The following RIN3 variants were observed in gnomAD, a reference collection of about 807,000 sequenced individuals.
RIN3 encodes the protein RAB5 interacting protein 3.
A neutral mutation model predicts 76.3 loss-of-function variants in RIN3; 54 were observed. The observed-to-expected ratio is 0.71, with a 90% CI of 0.57 to 0.89. The LOEUF (loss-of-function observed/expected upper bound fraction) is 0.89. Among genes scored for constraint, RIN3 ranks in the 40% least tolerant of loss-of-function variants. The pLI is 0.00. For missense variants in RIN3, 1,256 were observed against 1,322.1 expected (o/e 0.95, Z 0.78); for synonymous variants, 576 against 564.0 (o/e 1.02, Z -0.30).
In RIN3 at chr14:92,620,056, C is replaced by A. The variant is rs148664153; in HGVS notation, c.440+4577C>A. ...CACATGAACTAAATAAAAGGCATTA[C>A]ATTTTTCACTTTTCCGACAAAATAT... is the stretch of plus-strand genomic sequence containing the variant. On this transcript the variant is annotated intron_variant, in intron 4 of 9. Transcript: ENST00000216487. Among the ~76,000 whole-genome samples, 64 of 152,240 alleles carry A rather than the reference C, an allele frequency of 4.2e-4. 1 individual carries two copies. Among genetic ancestry groups the A allele is most frequent in the Non-Finnish European group, 4.6e-4 (31 of 68,036 alleles).
intron 3 of RIN3, among the ~76,000 whole-genome samples, chr14:92,579,300 G>A (rs1898364083): frequency 6.6e-6 from 1 of 152,246 alleles, no homozygotes; most frequent in African/African-American, 2.4e-5. Flanking sequence ...AGGCAAGGAG[G>A]AGGTTTGTTT....
intron 2 of RIN3, among the ~76,000 whole-genome samples, chr14:92,573,600 A>G (rs1336505839): frequency 6.6e-6 from 1 of 152,226 alleles, no homozygotes; most frequent in East Asian, 1.9e-4. Context: ...GCAGAAACTC[A>G]GGTAAGATCA....
Position 92,514,749 on chromosome 14 carries a change from G to A in RIN3, c.44+773G>A, listed in dbSNP as rs143326689. 1.6e-4 allele frequency among the ~76,000 whole-genome samples: 24 copies of A among 152,322 alleles called. No individual in the cohort carries two copies. Among genetic ancestry groups the A allele is most frequent in the African/African-American group, 5.8e-4 (24 of 41,584 alleles). On this transcript the variant is annotated intron_variant, in intron 1 of 9. Transcript: ENST00000216487. The surrounding 1 kb of genome is among the most constrained non-coding windows in gnomAD (Gnocchi z 7.2). ...CACCTCGCGAGCTCGGGCATTGCTC[G>A]GGGCTGGGCTCTGGGAGAAAGTCCT... is the stretch of plus-strand genomic sequence containing the variant.
chr14:92,523,722 T>G (rs1896655556), intron 1 of RIN3, among the ~76,000 whole-genome samples: 1 of 152,264 alleles, frequency 6.6e-6, no homozygotes, highest in African/African-American at 2.4e-5. Flanking sequence ...AACTGTTTAT[T>G]CTGACTCTCA....
At chr14:92,679,441 G>A (rs1336715329) in intron 8 of RIN3, among the ~76,000 whole-genome samples, 2 of 152,228 alleles carry the variant, frequency 1.3e-5, no homozygotes, top group African/African-American at 4.8e-5. Flanking sequence ...TCAGGGTGTG[G>A]GAGGTCACAG....
chr14:92,522,361 AAATG>A (rs1312429271), intron 1 of RIN3, among the ~76,000 whole-genome samples: 1 of 152,052 alleles, frequency 6.6e-6, no homozygotes, highest in Non-Finnish European at 1.5e-5. Context: ...ATTTTCCAAA[AAATG>A]TATTATAGAC....
Position 92,651,682 on chromosome 14 carries a change from G to A in RIN3, c.633G>A (p.Arg211=). 6.2e-7 allele frequency: 1 copy of A among 1,613,994 alleles called. No individual in the cohort carries two copies. Among genetic ancestry groups the A allele is most frequent in the Non-Finnish European group, 8.5e-7 (1 of 1,179,972 alleles). ...APGFPLVSSL[R]PTAHDANCAC... Reference sequence around the variant, plus strand: ...GATTCCCCCTAGTCTCCAGCCTCAGGCCCACAGCCCATGACGCAAACTGTG... The same window carrying A: ...GATTCCCCCTAGTCTCCAGCCTCAGACCCACAGCCCATGACGCAAACTGTG... Residue 211 remains arginine (R), a synonymous_variant, in exon 6 of 10, where the codon AGG becomes AGA. Transcript: ENST00000216487.
chr14:92,529,111 T>A (rs1390433722), intron 1 of RIN3, among the ~76,000 whole-genome samples: 2 of 152,148 alleles, frequency 1.3e-5, no homozygotes, highest in Non-Finnish European at 2.9e-5. Context: ...TGAGATAGGG[T>A]TCATATCCAG....
rs12880986 is a variant in RIN3, at chr14:92,561,129, T to A, written c.249+5174T>A. 4.0e-4 allele frequency among the ~76,000 whole-genome samples: 41 copies of A among 103,232 alleles called. No homozygotes were observed. In the East Asian group the frequency reaches 8.3e-3, roughly 21 times the overall value. The allele number at this position is 103,232 out of a possible 152,430, so 67.7% of individuals were successfully genotyped here. A position where few individuals can be genotyped will look rare whatever the true frequency, so the allele number is the denominator to read the frequency against. The stretch of plus-strand genomic sequence containing the variant: ...CATATTTATATATATTTATATATAT[T>A]TATATTTATATATATTTTTATATAT... On this transcript the variant is annotated intron_variant, in intron 2 of 9. Coordinates refer to ENST00000216487, the MANE Select transcript of RIN3 (RefSeq NM_024832.5).
At chr14:92,613,101 T>G (rs1476732890) in intron 3 of RIN3, among the ~76,000 whole-genome samples, 1 of 152,244 alleles carries the variant, frequency 6.6e-6, no homozygotes, top group Non-Finnish European at 1.5e-5. Flanking sequence ...CTGGGCTTTT[T>G]GTGTGCATTG....
rs901353353 is a variant in RIN3 at position 92,513,938 on chromosome 14, C to T, written c.6C>T (p.Ile2=). 27 of 1,247,184 alleles carry T rather than the reference C, an allele frequency of 2.2e-5. No individual in the cohort carries two copies. The highest frequency in any genetic ancestry group is 2.6e-5 in the Non-Finnish European group (26 of 995,750). 77.3% of individuals were successfully genotyped at this position (1,247,184 alleles called of 1,614,324 possible). A position where few individuals can be genotyped will look rare whatever the true frequency, so the allele number is the denominator to read the frequency against. Residue 2 remains isoleucine, a synonymous_variant, in exon 1 of 10, where the codon ATC becomes ATT. Coordinates refer to ENST00000216487, the MANE Select transcript of RIN3 (RefSeq NM_024832.5). ...GTCCCGGAGCTGCCGGCGGCATGAT[C>T]CGACACGCCGGGGCGCCCGCGCGCG... M[I]RHAGAPARGD... is the part of the protein sequence containing the mutation.
In RIN3 at chr14:92,528,219, G is replaced by A. The variant is rs553591598; in HGVS notation, c.44+14243G>A. ...GGAGATGGGTGTGCCCCGTGGGGGC[G>A]GGGAGGCCGCCTTTATTCCCTCCCA... is the stretch of plus-strand genomic sequence containing the variant. On this transcript the variant is annotated intron_variant, in intron 1 of 9. Coordinates refer to ENST00000216487, the MANE Select transcript of RIN3 (RefSeq NM_024832.5). 7.2e-5 allele frequency among the ~76,000 whole-genome samples: 11 copies of A among 152,312 alleles called. No homozygotes were observed. The East Asian group carries it at 1.5e-3, about 21-fold the overall frequency.
Position 92,555,889 on chromosome 14 carries a change from G to A in RIN3, c.183G>A (p.Pro61=), listed in dbSNP as rs755167388. The A allele has an allele frequency of 1.3e-5, 21 of 1,614,000 alleles. No individual in the cohort carries two copies. Among genetic ancestry groups the A allele is most frequent in the Middle Eastern group, 3.3e-4 (2 of 5,988 alleles). ...SILEKLIKTC[P]VWLQLSLGQA... ...TGGAGAAGCTCATCAAAACATGCCC[G>A]GTGTGGCTGCAGCTGAGTCTGGGCC... The change falls in exon 2 of 10, where the codon CCG becomes CCA. Residue 61 remains proline, a synonymous_variant. Coordinates refer to ENST00000216487, the MANE Select transcript of RIN3 (RefSeq NM_024832.5).
intron 2 of RIN3, among the ~76,000 whole-genome samples, chr14:92,572,390 A>T (rs1201225064): frequency 6.6e-6 from 1 of 152,244 alleles, no homozygotes; most frequent in Non-Finnish European, 1.5e-5. Flanking sequence ...GCTTGAGCCC[A>T]CGGGCACAGT....
At chr14:92,566,728 C>T (rs1347262571) in intron 2 of RIN3, among the ~76,000 whole-genome samples, 2 of 152,166 alleles carry the variant, frequency 1.3e-5, no homozygotes, top group African/African-American at 4.8e-5. Flanking sequence ...TAACTAAGGA[C>T]TAAACTTGGA....
chr14:92,584,339 C>T (rs950486735), intron 3 of RIN3, among the ~76,000 whole-genome samples: 1 of 152,184 alleles, frequency 6.6e-6, no homozygotes. Context: ...GACTGTTTCC[C>T]AAAGGTTCCA....
At chr14:92,640,347 T>C (rs1350320903) in intron 4 of RIN3, among the ~76,000 whole-genome samples, 3 of 75,190 alleles carry the variant, frequency 4.0e-5, no homozygotes, top group South Asian at 6.5e-4. Context: ...TGACTGTGTG[T>C]TCATCGGGGG....
At chr14:92,597,219 G>A (rs1024017811) in intron 3 of RIN3, among the ~76,000 whole-genome samples, 3 of 152,118 alleles carry the variant, frequency 2.0e-5, no homozygotes, top group Non-Finnish European at 4.4e-5. Flanking sequence ...TTTTTTGGCT[G>A]TATCTTTGTA....
intron 5 of RIN3, among the ~76,000 whole-genome samples, chr14:92,646,162 G>C (rs1435827464): frequency 6.6e-6 from 1 of 152,196 alleles, no homozygotes; most frequent in Middle Eastern, 3.4e-3. Context: ...TCATACTCAG[G>C]GCTTGCTGAG....
Sources: gnomAD v4.1 joint callset for allele counts (sites outside exome capture counted in the v4.1 genomes callset) on GRCh38, gnomAD v4.1.1 for gene constraint, Gnocchi (gnomAD v3.1) non-coding constraint, MANE v1.5 for transcripts, NCBI Gene and HGNC (gene_info 2026-07-23, HGNC 2026-07-21) for gene names.